CDH23: variants seen among roughly 807,000 people sequenced by gnomAD.
CDH23 encodes cadherin related 23, also known as cadherin-23.
Under a neutral mutation model 317.1 loss-of-function variants are expected in CDH23, and 189 were observed. That is an observed-to-expected ratio of 0.60 (90% confidence interval 0.53 to 0.67). CDH23 has a LOEUF of 0.67. Ranked by LOEUF, CDH23 falls within the 30% of genes least tolerant of loss-of-function variation. The pLI, the probability that CDH23 is intolerant of heterozygous loss-of-function variation, is 0.00. For missense variants in CDH23, 4,401 were observed against 4,592.4 expected, an observed-to-expected ratio of 0.96 and a Z score of 1.20; for synonymous variants, 1,839 against 1,876.8, an observed-to-expected ratio of 0.98 and a Z score of 0.52.
chr10:71,717,530 G>A (rs1298367422), intron 28 of CDH23: 1 of 152,296 alleles, frequency 6.6e-6, no homozygotes, highest in East Asian at 1.9e-4. Context: ...GACGGTCCTT[G>A]TCGATGGAAA....
intron 9 of CDH23, among the ~76,000 whole-genome samples, chr10:71,613,417 C>T (rs758586350): frequency 5.3e-5 from 8 of 152,350 alleles, no homozygotes; most frequent in South Asian, 2.1e-4. Context: ...CCCTCCTGGG[C>T]TGGCCCCATG....
chr10:71,463,578 G>A (rs34629769), intron 3 of CDH23, among the ~76,000 whole-genome samples: 2 of 152,198 alleles, frequency 1.3e-5, no homozygotes, highest in Non-Finnish European at 2.9e-5. Flanking sequence ...GATCGCTGAA[G>A]GGAGGGTGGG....
At chr10:71,651,919 G>A (rs917686281) in intron 14 of CDH23, among the ~76,000 whole-genome samples, 1 of 152,210 alleles carries the variant, frequency 6.6e-6, no homozygotes, top group Non-Finnish European at 1.5e-5. Flanking sequence ...TGTCCTCTGG[G>A]CAGTGGGAGA....
At chr10:71,577,266 C>CA (rs1445840897) in intron 8 of CDH23, among the ~76,000 whole-genome samples, 4 of 152,086 alleles carry the variant, frequency 2.6e-5, no homozygotes, top group Non-Finnish European at 5.9e-5. Flanking sequence ...GCCCCTTCTC[C>CA]ATCAGTGCTG....
At chr10:71,574,899 C>T (rs554237153) in intron 8 of CDH23, among the ~76,000 whole-genome samples, 1 of 152,302 alleles carries the variant, frequency 6.6e-6, no homozygotes, top group Admixed American at 6.5e-5. Context: ...AGGGGTCCCC[C>T]AGGCACACCC....
chr10:71,662,149 G>T (rs1863700366), intron 14 of CDH23, among the ~76,000 whole-genome samples: 1 of 151,938 alleles, frequency 6.6e-6, no homozygotes, highest in Admixed American at 6.6e-5. Context: ...CCTGCGGGCG[G>T]AGTGACGGAG....
intron 3 of CDH23, among the ~76,000 whole-genome samples, chr10:71,494,361 C>T (rs1189120484): frequency 6.6e-6 from 1 of 152,116 alleles, no homozygotes; most frequent in Non-Finnish European, 1.5e-5. Flanking sequence ...GATGTGACTC[C>T]AGCAGAGGGA....
chr10:71,398,649 G>A (rs186531894), intron 1 of CDH23, among the ~76,000 whole-genome samples: 3 of 152,214 alleles, frequency 2.0e-5, no homozygotes, highest in Admixed American at 1.3e-4. Flanking sequence ...GGCGCACTGC[G>A]GTCAGCACCT....
rs115103065 is a variant in CDH23, at chr10:71,482,505, A to G, written c.146-27577A>G. 6.9e-3 allele frequency among the ~76,000 whole-genome samples: 1,058 copies of G among 152,290 alleles called. 14 individuals carry two copies. Among genetic ancestry groups the G allele is most frequent in the African/African-American group, 0.024 (1,013 of 41,552 alleles). ...GGAAGCCTCCTGTTCTCTAGGCCAT[A>G]GTGGACACCTGAGGTTGGGGGGACA... On this transcript the variant is annotated intron_variant, in intron 3 of 69. Transcript: ENST00000224721.
intron 38 of CDH23, among the ~76,000 whole-genome samples, chr10:71,777,221 T>C (rs187769509): frequency 1.3e-5 from 2 of 152,380 alleles, no homozygotes; most frequent in African/African-American, 4.8e-5. Flanking sequence ...AGGTTAAATA[T>C]GGCATTGGGC....
At position 71,793,415 on chromosome 10, in the gene CDH23, C is replaced by A. The variant is rs769551663; in HGVS notation, c.6487C>A (p.Leu2163Met). The change falls in exon 48 of 70, where the codon CTG becomes ATG. Residue 2163 changes from leucine to methionine, a missense_variant. Leu to Met is a conservative substitution (Grantham distance 15, BLOSUM62 2). Coordinates refer to ENST00000224721, the MANE Select transcript of CDH23 (RefSeq NM_022124.6). ...PLSGTAIVTI[L>M]IDDINDSRPE... ...CTCGGGCACAGCCATTGTCACCATTCTGATCGATGACATCAATGACTCCCG... is the reference window on the plus strand; with the variant it reads ...CTCGGGCACAGCCATTGTCACCATTATGATCGATGACATCAATGACTCCCG... 1.2e-6 allele frequency: 2 copies of A among 1,614,064 alleles called. No homozygotes were observed. Among genetic ancestry groups the A allele is most frequent in the Non-Finnish European group, 1.7e-6 (2 of 1,179,906 alleles).
At chr10:71,799,724 G>A (rs532822295) in intron 52 of CDH23, 95 bp downstream of exon 52, 5 of 1,549,186 alleles carry the variant, frequency 3.2e-6, no homozygotes, top group Middle Eastern at 3.8e-4. Flanking sequence ...ATCCCTCTGG[G>A]TCTTGTCGCC....
At chr10:71,407,480 C>A (rs1448942544) in intron 1 of CDH23, among the ~76,000 whole-genome samples, 1 of 152,214 alleles carries the variant, frequency 6.6e-6, no homozygotes, top group African/African-American at 2.4e-5. Context: ...GAGCAGGTTA[C>A]CCCCATCTGG....
At chr10:71,401,463 A>G (rs537851450) in intron 1 of CDH23, among the ~76,000 whole-genome samples, 4 of 152,310 alleles carry the variant, frequency 2.6e-5, no homozygotes, top group South Asian at 2.1e-4. Flanking sequence ...TACCTTCTCC[A>G]GCCCTATTCT....
chr10:71,592,387 C>T (rs1859553251), intron 9 of CDH23, among the ~76,000 whole-genome samples: 1 of 152,158 alleles, frequency 6.6e-6, no homozygotes, highest in Admixed American at 6.5e-5. Context: ...AGTTTATTCT[C>T]TTACAGTTCT....
chr10:71,434,394 G>A (rs923901285), intron 1 of CDH23, among the ~76,000 whole-genome samples: 3 of 152,194 alleles, frequency 2.0e-5, no homozygotes, highest in African/African-American at 7.2e-5. Context: ...CTAGCACAGT[G>A]CCTAGCACAC....
rs375009403 is a variant in CDH23 at position 71,706,166 on chromosome 10, C to A, written c.2954-731C>A. 1.5e-4 allele frequency among the ~76,000 whole-genome samples: 23 copies of A among 152,274 alleles called. No homozygotes were observed. The South Asian group carries it at 4.4e-3, about 29-fold the overall frequency. On this transcript the variant is annotated intron_variant, in intron 25 of 69. Transcript: ENST00000224721. ...CTCCTGGTGATACCATTCAGAGGAA[C>A]CCAAGTGGGGTGGGGATCACTTCGC... is the stretch of plus-strand genomic sequence containing the variant.
intron 14 of CDH23, among the ~76,000 whole-genome samples, chr10:71,666,227 T>C: frequency 6.6e-6 from 1 of 151,950 alleles, no homozygotes; most frequent in Non-Finnish European, 1.5e-5. Flanking sequence ...CCTCTTGTTC[T>C]ACGGCCTCCC....
chr10:71,667,169 T>C (rs1226511032), intron 14 of CDH23, among the ~76,000 whole-genome samples: 1 of 152,134 alleles, frequency 6.6e-6, no homozygotes, highest in African/African-American at 2.4e-5. Flanking sequence ...TGCGGGGCAT[T>C]CCTGTGAGTG....
Sources: gnomAD v4.1 joint callset for allele counts (sites outside exome capture counted in the v4.1 genomes callset) on GRCh38, gnomAD v4.1.1 for gene constraint, MANE v1.5 for transcripts, NCBI Gene and HGNC (gene_info 2026-07-23, HGNC 2026-07-21) for gene names.